Variants in RYR3 observed in about 807,000 individuals in gnomAD.
The protein encoded by RYR3 is brain ryanodine receptor-calcium release channel.
A neutral mutation model predicts 584.3 loss-of-function variants in RYR3; 207 were observed. That is an observed-to-expected ratio of 0.35 (90% CI 0.32 to 0.40). The LOEUF (loss-of-function observed/expected upper bound fraction) is 0.40, where lower values mean the gene tolerates loss of function less well. Ranked by LOEUF, RYR3 falls within the 10% of genes least tolerant of loss-of-function variation. The pLI, the probability that RYR3 is intolerant of heterozygous loss-of-function variation, is 1.00. For missense variants in RYR3, 5,616 were observed against 6,089.2 expected (o/e 0.92, Z 2.59); for synonymous variants, 2,416 against 2,248.5 (o/e 1.07, Z -2.11).
intron 42 of RYR3, among the ~76,000 whole-genome samples, chr15:33,706,375 A>G (rs112528264): frequency 3.3e-5 from 5 of 152,256 alleles, no homozygotes; most frequent in African/African-American, 1.2e-4. Context: ...CCACTTAACA[A>G]TAACTTTCCA....
intron 99 of RYR3, 79 bp from the exon 100 acceptor site, chr15:33,859,496 A>T: frequency 6.5e-7 from 1 of 1,531,226 alleles, no homozygotes; most frequent in Admixed American, 1.7e-5. Context: ...ATCTGACCGA[A>T]TCATATGAAT....
At position 33,615,767 on chromosome 15, in the gene RYR3, C is replaced by G. The variant is rs576309529; in HGVS notation, c.2357+2392C>G. Among the ~76,000 whole-genome samples, 3 of 152,284 alleles carry G rather than the reference C, an allele frequency of 2.0e-5. No homozygotes were observed. The South Asian group carries it at 6.2e-4, about 32-fold the overall frequency. ...CACATAGAGCTATTCTCATTGACAG[C>G]CATCAGAAGCATGTGGAAAACGGGG... On this transcript the variant is annotated intron_variant, in intron 19 of 103. Coordinates refer to ENST00000634891, the MANE Select transcript of RYR3 (RefSeq NM_001036.6).
At chr15:33,713,276 G>A (rs1371865516) in intron 43 of RYR3, among the ~76,000 whole-genome samples, 1 of 151,994 alleles carries the variant, frequency 6.6e-6, no homozygotes, top group African/African-American at 2.4e-5. Flanking sequence ...GTGGTAGTGG[G>A]AATTGTGATA....
intron 67 of RYR3, among the ~76,000 whole-genome samples, chr15:33,796,855 AT>A (rs2075656083): frequency 6.6e-6 from 1 of 152,222 alleles, no homozygotes; most frequent in African/African-American, 2.4e-5. Context: ...CAACCCAAGC[AT>A]CTATCAATGG....
At chr15:33,802,909 C>A (rs1258068676) in intron 69 of RYR3, among the ~76,000 whole-genome samples, 1 of 152,184 alleles carries the variant, frequency 6.6e-6, no homozygotes, top group African/African-American at 2.4e-5. Context: ...AAGTAAAAGT[C>A]AGCTCTGGAA....
intron 76 of RYR3, 79 bp from the exon 77 acceptor site, chr15:33,819,677 A>AATAG: frequency 5.1e-6 from 1 of 195,446 alleles, no homozygotes; most frequent in Non-Finnish European, 8.1e-6. Flanking sequence ...CTGTCTCAAA[A>AATAG]ATAAATAAAT....
intron 102 of RYR3, 40 bp downstream of exon 102, chr15:33,861,218 C>G (rs778913890): frequency 2.7e-6 from 4 of 1,468,774 alleles, no homozygotes; most frequent in Middle Eastern, 1.7e-4. Flanking sequence ...GCAGCTGTAG[C>G]GTAAATAAAG....
intron 74 of RYR3, 140 bp from the exon 75 acceptor site, chr15:33,816,722 G>T: frequency 1.8e-6 from 1 of 547,142 alleles, no homozygotes; most frequent in Non-Finnish European, 3.4e-6. Context: ...GAGTTCTGTG[G>T]TATGCTACTG....
chr15:33,777,013 A>G (rs902644999), intron 64 of RYR3, among the ~76,000 whole-genome samples: 8 of 152,184 alleles, frequency 5.3e-5, no homozygotes, highest in Non-Finnish European at 1.0e-4. Flanking sequence ...ACCTGGCAAG[A>G]CCCAGTGGCT....
chr15:33,748,367 G>T, intron 54 of RYR3, 101 bp from the exon 55 acceptor site: 1 of 1,532,242 alleles, frequency 6.5e-7, no homozygotes. Flanking sequence ...GATGAACCCT[G>T]GGGAGTTTTC....
Position 33,861,163 on chromosome 15 carries a change from A to G in RYR3, c.14450A>G (p.Asn4817Ser). 1 of 1,588,768 alleles carries G rather than the reference A, an allele frequency of 6.3e-7. No individual in the cohort carries two copies. Among genetic ancestry groups the G allele is most frequent in the South Asian group, 1.1e-5 (1 of 87,016 alleles). The change falls in exon 102 of 104, where the codon AAC (asparagine) becomes AGC (serine). Residue 4817 changes from asparagine (N) to serine (S), a missense_variant. Asn to Ser is a conservative substitution (Grantham distance 46). Around this residue, in one of 9 missense-constraint regions of RYR3, gnomAD observed 918 missense variants for 887.4 expected, o/e 1.03. Coordinates refer to ENST00000634891, the MANE Select transcript of RYR3 (RefSeq NM_001036.6). ...GAAACACATACATTACAAGAGCACAACTTAGCCAACTACTTGTGAGTATTC... is the reference window on the plus strand; with the variant it reads ...GAAACACATACATTACAAGAGCACAGCTTAGCCAACTACTTGTGAGTATTC... ...GFETHTLQEH[N>S]LANYLFFLMY...
intron 1 of RYR3, among the ~76,000 whole-genome samples, chr15:33,410,655 C>T (rs1480035184): frequency 6.6e-6 from 1 of 152,192 alleles, no homozygotes; most frequent in Non-Finnish European, 1.5e-5. Flanking sequence ...GGATTTAATT[C>T]CCCACTGTAA....
At chr15:33,659,687 T>C (rs759545643) in intron 32 of RYR3, 33 bp from the exon 33 acceptor site, 2 of 1,456,200 alleles carry the variant, frequency 1.4e-6, no homozygotes, top group Admixed American at 1.7e-5. Flanking sequence ...TGTCCAGCTC[T>C]GGGCAAAGCT....
intron 18 of RYR3, 24 bp from the exon 19 acceptor site, chr15:33,613,159 T>G (rs1439776783): frequency 6.2e-7 from 1 of 1,601,888 alleles, no homozygotes; most frequent in Non-Finnish European, 8.5e-7. Context: ...TTCCACAGCC[T>G]TCTTCCTGTT....
intron 16 of RYR3, among the ~76,000 whole-genome samples, chr15:33,597,431 A>C (rs780261714): frequency 6.6e-6 from 1 of 152,128 alleles, no homozygotes; most frequent in Non-Finnish European, 1.5e-5. Context: ...CCTGGTCAAC[A>C]TAGTGAAACC....
chr15:33,393,670 G>A (rs17235996), intron 1 of RYR3, among the ~76,000 whole-genome samples: 12,608 of 152,232 alleles, frequency 0.083, 712 homozygotes, highest in Non-Finnish European at 0.12. Context: ...GAACTCCACT[G>A]TGTATTTTAG....
intron 72 of RYR3, among the ~76,000 whole-genome samples, chr15:33,811,510 CA>C (rs34105459): frequency 0.55 from 77,763 of 140,702 alleles, 21,821 homozygotes; most frequent in South Asian, 0.71. Flanking sequence ...GACTCCGTCT[CA>C]AAAAAAAAAA....
intron 19 of RYR3, among the ~76,000 whole-genome samples, chr15:33,619,353 G>A (rs2060604072): frequency 6.6e-6 from 1 of 152,134 alleles, no homozygotes; most frequent in Non-Finnish European, 1.5e-5. Context: ...ACATTTTGGG[G>A]ATGCTGGGTG....
At chr15:33,711,238 T>TC in intron 43 of RYR3, among the ~76,000 whole-genome samples, 1 of 17,138 alleles carries the variant, frequency 5.8e-5, no homozygotes, top group East Asian at 3.1e-3. Context: ...TTCTTTCATT[T>TC]TTTTTTTTTT....
Sources: gnomAD v4.1 joint callset for allele counts (sites outside exome capture counted in the v4.1 genomes callset) on GRCh38, gnomAD v4.1.1 for gene constraint, gnomAD v4.1.1 regional missense constraint, MANE v1.5 for transcripts, NCBI Gene and HGNC (gene_info 2026-07-23, HGNC 2026-07-21) for gene names.